The following LRMDA variants were observed in gnomAD, a reference collection of about 807,000 sequenced individuals.
LRMDA encodes the protein leucine-rich melanocyte differentiation-associated protein.
A neutral mutation model predicts 29.8 loss-of-function variants in LRMDA; 18 were observed. The observed-to-expected ratio is 0.60, with a 90% CI of 0.42 to 0.90. The LOEUF (loss-of-function observed/expected upper bound fraction) is 0.90. Among genes scored for constraint, LRMDA ranks in the 40% least tolerant of loss-of-function variants. The pLI is 0.00. For synonymous variants in LRMDA, 125 were observed against 109.4 expected (o/e 1.14, Z -0.89); for missense variants, 273 against 273.9 (o/e 1.00, Z 0.02).
intron 2 of LRMDA, among the ~76,000 whole-genome samples, chr10:75,845,887 C>T (rs1844626708): frequency 6.6e-6 from 1 of 152,086 alleles, no homozygotes; most frequent in African/African-American, 2.4e-5. Flanking sequence ...ATGGTAATAG[C>T]AGAATTTTAA....
intron 6 of LRMDA, among the ~76,000 whole-genome samples, chr10:76,503,061 T>C (rs537222149): frequency 1.2e-4 from 18 of 151,974 alleles, no homozygotes; most frequent in Non-Finnish European, 2.7e-4. Context: ...TATTTTGAAG[T>C]ATGTTCTTTT....
chr10:75,683,057 G>A (rs1002831776), intron 2 of LRMDA, among the ~76,000 whole-genome samples: 1 of 152,160 alleles, frequency 6.6e-6, no homozygotes, highest in East Asian at 1.9e-4. Flanking sequence ...CTAGTTGGCC[G>A]CGATGTACAT....
chr10:75,902,983 G>C (rs1845700605), intron 2 of LRMDA, among the ~76,000 whole-genome samples: 1 of 152,198 alleles, frequency 6.6e-6, no homozygotes, highest in Non-Finnish European at 1.5e-5. Context: ...GGGGGCATCA[G>C]TCCCACAGAG....
chr10:76,459,055 T>G (rs950223432), intron 6 of LRMDA, among the ~76,000 whole-genome samples: 1 of 152,110 alleles, frequency 6.6e-6, no homozygotes, highest in African/African-American at 2.4e-5. Context: ...TTTTGGTAAA[T>G]AGATTCAGAT....
At chr10:76,192,303 T>G (rs1851260654) in intron 5 of LRMDA, among the ~76,000 whole-genome samples, 1 of 152,180 alleles carries the variant, frequency 6.6e-6, no homozygotes, top group Admixed American at 6.6e-5. Context: ...TTCAGTAAGT[T>G]CCATGGTGAT....
intron 5 of LRMDA, 129 bp from the exon 6 acceptor site, chr10:76,324,272 C>T (rs1564724212): frequency 7.1e-6 from 6 of 839,468 alleles, no homozygotes; most frequent in Non-Finnish European, 7.9e-6. Context: ...GCTCTTGCTT[C>T]CTAAGAAGTA....
At chr10:75,739,888 A>G (rs908181001) in intron 2 of LRMDA, among the ~76,000 whole-genome samples, 2 of 152,222 alleles carry the variant, frequency 1.3e-5, no homozygotes, top group African/African-American at 2.4e-5. Flanking sequence ...ACAATGCAAT[A>G]TGCGAAATAA....
intron 5 of LRMDA, among the ~76,000 whole-genome samples, chr10:76,258,273 G>C (rs1839892261): frequency 6.6e-6 from 1 of 152,120 alleles, no homozygotes; most frequent in African/African-American, 2.4e-5. Context: ...CTTCGTCTCA[G>C]TTCTACTTTT....
intron 4 of LRMDA, among the ~76,000 whole-genome samples, chr10:76,055,715 C>T (rs1377526784): frequency 6.6e-6 from 1 of 152,242 alleles, no homozygotes; most frequent in African/African-American, 2.4e-5. Context: ...CAGCTCTAGA[C>T]ACTGGCATGG....
intron 6 of LRMDA, among the ~76,000 whole-genome samples, chr10:76,415,172 G>A (rs1842001786): frequency 6.6e-6 from 1 of 152,176 alleles, no homozygotes; most frequent in African/African-American, 2.4e-5. Flanking sequence ...CATTGGTCTG[G>A]GGACCTTCTG....
At chr10:75,648,008 C>T (rs1841545591) in intron 2 of LRMDA, among the ~76,000 whole-genome samples, 1 of 152,150 alleles carries the variant, frequency 6.6e-6, no homozygotes. Flanking sequence ...CCAAATGCTA[C>T]TTCTCAGAAA....
intron 6 of LRMDA, among the ~76,000 whole-genome samples, chr10:76,508,159 G>A (rs1842977093): frequency 6.6e-6 from 1 of 152,156 alleles, no homozygotes; most frequent in Non-Finnish European, 1.5e-5. Flanking sequence ...CCCAGTTGTG[G>A]TGATACCAGC....
chr10:75,773,471 G>A (rs1843270257), intron 2 of LRMDA, among the ~76,000 whole-genome samples: 1 of 152,182 alleles, frequency 6.6e-6, no homozygotes, highest in Admixed American at 6.5e-5. Flanking sequence ...GGTCTGGTGA[G>A]AGGGGACACT....
At position 75,531,277 on chromosome 10, in the gene LRMDA, G is replaced by A. The variant is rs557437157; in HGVS notation, c.131+92783G>A. ...GGGTGGTTAACACAGTCAGGTGGTC[G>A]AGGAGAACTTGTTGGACAATGCAGG... On this transcript the variant is annotated intron_variant, in intron 2 of 6. Coordinates refer to ENST00000611255, the MANE Select transcript of LRMDA (RefSeq NM_001305581.2). Among the ~76,000 whole-genome samples the A allele has an allele frequency of 3.3e-5, 5 of 152,276 alleles. No individual in the cohort carries two copies. The East Asian group carries it at 9.6e-4, about 29-fold the overall frequency.
intron 6 of LRMDA, among the ~76,000 whole-genome samples, chr10:76,407,546 GT>G (rs1461583770): frequency 6.6e-6 from 1 of 152,074 alleles, no homozygotes; most frequent in Middle Eastern, 3.2e-3. Context: ...ACGAACCTTT[GT>G]CTCGTTATCT....
At chr10:76,093,194 T>C (rs1849258592) in intron 5 of LRMDA, among the ~76,000 whole-genome samples, 8 of 152,014 alleles carry the variant, frequency 5.3e-5, no homozygotes, top group Admixed American at 5.2e-4. Flanking sequence ...CCCGCCACCA[T>C]GACCAGCTAA....
chr10:76,217,766 A>C (rs1270693635), intron 5 of LRMDA, among the ~76,000 whole-genome samples: 1 of 152,222 alleles, frequency 6.6e-6, no homozygotes, highest in African/African-American at 2.4e-5. Context: ...CATATCCTCA[A>C]TAGGAGCCTC....
At chr10:75,740,706 T>C (rs1200769651) in intron 2 of LRMDA, among the ~76,000 whole-genome samples, 1 of 152,130 alleles carries the variant, frequency 6.6e-6, no homozygotes, top group Non-Finnish European at 1.5e-5. Context: ...AATCCCAACA[T>C]CTGTTGATCA....
At chr10:75,442,746 A>G (rs1387731113) in intron 2 of LRMDA, among the ~76,000 whole-genome samples, 2 of 152,044 alleles carry the variant, frequency 1.3e-5, no homozygotes, top group Admixed American at 6.6e-5. Flanking sequence ...TTTGTGTCAC[A>G]TGAAATTTAG....
Sources: gnomAD v4.1 joint callset for allele counts (sites outside exome capture counted in the v4.1 genomes callset) on GRCh38, gnomAD v4.1.1 for gene constraint, MANE v1.5 for transcripts, NCBI Gene and HGNC (gene_info 2026-07-23, HGNC 2026-07-21) for gene names.